NARS2: variants seen among roughly 807,000 people sequenced by gnomAD.
NARS2 encodes the protein asparaginyl-tRNA synthetase.
Under a neutral mutation model 62.9 loss-of-function variants are expected in NARS2, and 60 were observed. The observed-to-expected ratio is 0.95, with a 90% CI of 0.77 to 1.18. NARS2 has a LOEUF of 1.18. Among genes scored for constraint, NARS2 ranks in the 50% most tolerant of loss-of-function variants. The pLI is 0.00. For synonymous variants in NARS2, 196 were observed against 200.0 expected (o/e 0.98, Z 0.17); for missense variants, 619 against 576.4 (o/e 1.07, Z -0.76).
intron 7 of NARS2, among the ~76,000 whole-genome samples, chr11:78,481,838 G>A (rs1473501928): frequency 6.6e-6 from 1 of 152,130 alleles, no homozygotes; most frequent in Admixed American, 6.5e-5. Context: ...ATTAAGAGAC[G>A]CAGATTACTT....
chr11:78,447,675 G>C (rs1009440725), intron 11 of NARS2, among the ~76,000 whole-genome samples: 2 of 152,094 alleles, frequency 1.3e-5, no homozygotes, highest in African/African-American at 4.8e-5. Context: ...CCTTAAGAAG[G>C]GGGTAAATCC....
chr11:78,519,820 C>T (rs944515342), intron 6 of NARS2, among the ~76,000 whole-genome samples: 4 of 152,030 alleles, frequency 2.6e-5, no homozygotes, highest in African/African-American at 9.7e-5. Flanking sequence ...CCTGCCTCAG[C>T]TTCCCGAGTA....
chr11:78,518,137 T>C (rs1412402758), intron 6 of NARS2, among the ~76,000 whole-genome samples: 1 of 152,130 alleles, frequency 6.6e-6, no homozygotes, highest in Non-Finnish European at 1.5e-5. Context: ...TAAAAAATAA[T>C]ACAAATTTTA....
At chr11:78,488,394 C>T (rs1055940924) in intron 7 of NARS2, among the ~76,000 whole-genome samples, 1 of 152,034 alleles carries the variant, frequency 6.6e-6, no homozygotes, top group African/African-American at 2.4e-5. Flanking sequence ...GAAGATGATA[C>T]CTTGCTGGTT....
At chr11:78,571,174 A>C (rs1856908586) in intron 2 of NARS2, among the ~76,000 whole-genome samples, 161 bp downstream of exon 2, 1 of 152,180 alleles carries the variant, frequency 6.6e-6, no homozygotes, top group Non-Finnish European at 1.5e-5. Flanking sequence ...AGCTTGAAGG[A>C]TCTTGATTCC....
chr11:78,534,744 C>T (rs760416621), intron 5 of NARS2, among the ~76,000 whole-genome samples: 1 of 152,162 alleles, frequency 6.6e-6, no homozygotes. Context: ...CTGGGAATAG[C>T]AGTTACTCAG....
chr11:78,538,994 CAAAAAAAAAAAAAAAAAAAAA>C (rs59917269), intron 5 of NARS2, among the ~76,000 whole-genome samples: 1 of 49,764 alleles, frequency 2.0e-5, no homozygotes. Flanking sequence ...GAATCCGTCT[CAAAAAAAAAAAAAAAAAAAAA>C]AAAAAAAAAA....
intron 13 of NARS2, among the ~76,000 whole-genome samples, chr11:78,437,656 A>T (rs1487475362): frequency 6.6e-6 from 1 of 152,164 alleles, no homozygotes; most frequent in African/African-American, 2.4e-5. Flanking sequence ...TTGTGGGGAA[A>T]TTCTTGAGTT....
chr11:78,501,009 T>C (rs1860261935), intron 6 of NARS2, among the ~76,000 whole-genome samples: 1 of 152,122 alleles, frequency 6.6e-6, no homozygotes, highest in Non-Finnish European at 1.5e-5. Flanking sequence ...GGAGGATTGA[T>C]TGAGCCTGGG....
intron 9 of NARS2, among the ~76,000 whole-genome samples, chr11:78,472,739 TTTC>T (rs1858928308): frequency 6.6e-6 from 1 of 152,224 alleles, no homozygotes; most frequent in Non-Finnish European, 1.5e-5. Flanking sequence ...CTCCCTGTTT[TTTC>T]TTTTCTCTTT....
chr11:78,440,593 C>T (rs1179213723), intron 13 of NARS2, among the ~76,000 whole-genome samples: 7 of 151,942 alleles, frequency 4.6e-5, no homozygotes, highest in African/African-American at 1.7e-4. Context: ...AGTGCAATGG[C>T]GTGATCTCAG....
chr11:78,500,137 C>G (rs116602307), intron 6 of NARS2, among the ~76,000 whole-genome samples: 1 of 152,192 alleles, frequency 6.6e-6, no homozygotes, highest in East Asian at 1.9e-4. Flanking sequence ...TAGCATTGAA[C>G]TATCAACAAT....
Position 78,559,627 on chromosome 11 carries a change from AG to A in NARS2, c.514-9del, listed in dbSNP as rs1204468541. ...ATGTACAAAGCCACTGTCCTGAAAA[AG>A]AAAACCACTGTTTTCAGGATATTTG... On this transcript the variant is annotated splice_polypyrimidine_tract_variant and intron_variant, in intron 4 of 13. Transcript: ENST00000281038. 5 of 1,583,122 alleles carry A rather than the reference AG, an allele frequency of 3.2e-6. No individual in the cohort carries two copies. The African/African-American group carries it at 6.7e-5, about 21-fold the overall frequency.
intron 7 of NARS2, among the ~76,000 whole-genome samples, chr11:78,485,408 A>C (rs1859528441): frequency 6.6e-6 from 1 of 151,764 alleles, no homozygotes; most frequent in African/African-American, 2.4e-5. Flanking sequence ...AAAAAAAAAC[A>C]AAAAAAACTC....
rs2135329839 is a variant in NARS2 at position 78,494,097 on chromosome 11, T to C, written c.690-902A>G. 2.0e-5 allele frequency among the ~76,000 whole-genome samples: 3 copies of C among 152,360 alleles called. No homozygotes were observed. The South Asian group carries it at 6.2e-4, about 32-fold the overall frequency. On this transcript the variant is annotated intron_variant, in intron 6 of 13. Coordinates refer to ENST00000281038, the MANE Select transcript of NARS2 (RefSeq NM_024678.6). ...GTGGAGGTGAGAGATTTTGAGGAAC[T>C]ACTTTATTCCCTTGATTCCAGAGGA...
intron 6 of NARS2, among the ~76,000 whole-genome samples, chr11:78,503,629 T>TA (rs754766235): frequency 1.3e-5 from 2 of 152,230 alleles, no homozygotes; most frequent in African/African-American, 2.4e-5. Flanking sequence ...AGGGTACACT[T>TA]GCAGAGGCCT....
intron 7 of NARS2, among the ~76,000 whole-genome samples, chr11:78,487,516 G>C (rs1859633395): frequency 6.6e-6 from 1 of 151,768 alleles, no homozygotes; most frequent in South Asian, 2.1e-4. Context: ...AAGCAGAAAA[G>C]ACAAAAAAGG....
chr11:78,442,914 G>C (rs771947623), intron 12 of NARS2, among the ~76,000 whole-genome samples: 2 of 152,200 alleles, frequency 1.3e-5, no homozygotes, highest in Non-Finnish European at 2.9e-5. Context: ...AATGCTATCT[G>C]ACTAGTTTTC....
rs376091227 is a variant in NARS2 at position 78,469,237 on chromosome 11, A to G, written c.1026+10T>C. ...CACACACACATATATACATACACAC[A>G]AAATACTACCTCTGGGGTAAAGGTG... On this transcript the variant is annotated intron_variant, in intron 10 of 13. Coordinates refer to ENST00000281038, the MANE Select transcript of NARS2 (RefSeq NM_024678.6). The G allele has an allele frequency of 3.4e-5, 54 of 1,591,258 alleles. No individual in the cohort carries two copies. In the African/African-American group the frequency reaches 7.1e-4, roughly 21 times the overall value.
Sources: allele counts gnomAD v4.1 joint callset (sites outside exome capture counted in the v4.1 genomes callset), GRCh38; gene constraint gnomAD v4.1.1; transcripts MANE v1.5; gene names NCBI Gene and HGNC (gene_info 2026-07-23, HGNC 2026-07-21).